HYDIN: variants seen among roughly 807,000 people sequenced by gnomAD.
HYDIN encodes the protein axonemal central pair apparatus protein HYDIN.
In HYDIN, 132 loss-of-function variants were observed where a neutral mutation model predicts 403.9. That is an observed-to-expected ratio of 0.33 (90% CI 0.28 to 0.38). The LOEUF (loss-of-function observed/expected upper bound fraction) is 0.38. Among genes scored for constraint, HYDIN ranks in the 10% least tolerant of loss-of-function variants. HYDIN has a pLI of 1.00. For missense variants in HYDIN, 2,827 were observed against 5,009.5 expected, an observed-to-expected ratio of 0.56 and a Z score of 13.15; for synonymous variants, 1,202 against 1,891.7, an observed-to-expected ratio of 0.64 and a Z score of 9.46.
Position 70,802,153 on chromosome 16 carries a change from T to G in HYDIN, c.*5427A>C, listed in dbSNP as rs1045970350. 1.3e-5 allele frequency: 2 copies of G among 152,074 alleles called. No individual in the cohort carries two copies. The highest frequency in any genetic ancestry group is 4.8e-5 in the African/African-American group (2 of 41,384). The allele number at this position is 152,074 out of a possible 1,614,324, so 9.4% of individuals were successfully genotyped here. ...CCTTATAACAGTCTTGAAAATGGAG[T>G]ATTTTCCTCAACAGAAACAGGGACG... On this transcript the variant is annotated 3_prime_UTR_variant, in exon 86 of 86. Transcript: ENST00000393567.
intron 23 of HYDIN, among the ~76,000 whole-genome samples, chr16:71,011,854 A>G (rs1411326109): frequency 6.6e-6 from 1 of 151,268 alleles, no homozygotes; most frequent in Non-Finnish European, 1.5e-5. Context: ...CAATCTCCAT[A>G]TTGGCTGGCT....
intron 3 of HYDIN, among the ~76,000 whole-genome samples, chr16:71,181,419 T>C (rs2086900114): frequency 1.3e-5 from 2 of 151,932 alleles, no homozygotes; most frequent in Admixed American, 6.6e-5. Flanking sequence ...ATCAGAAAAA[T>C]AAATGTACCA....
intron 83 of HYDIN, among the ~76,000 whole-genome samples, chr16:70,821,599 C>T (rs1451617800): frequency 6.6e-6 from 1 of 150,854 alleles, no homozygotes; most frequent in Non-Finnish European, 1.5e-5. Flanking sequence ...ATTTTTCCCC[C>T]CTGGCTGCTT....
chr16:71,200,779 A>G (rs918256951), intron 1 of HYDIN, among the ~76,000 whole-genome samples: 1 of 152,224 alleles, frequency 6.6e-6, no homozygotes, highest in East Asian at 1.9e-4. Flanking sequence ...TCTTTCAGAA[A>G]GAGTCTTGAT....
At chr16:71,027,230 C>T (rs1461053467) in intron 20 of HYDIN, 1 of 1,118,928 alleles carries the variant, frequency 8.9e-7, no homozygotes. Context: ...GGAGAGGCAG[C>T]CCAGAGTGTC....
At chr16:71,181,219 T>A (rs2086888798) in intron 3 of HYDIN, among the ~76,000 whole-genome samples, 1 of 151,336 alleles carries the variant, frequency 6.6e-6, no homozygotes, top group Admixed American at 6.6e-5. Flanking sequence ...CCCAGCAGTT[T>A]TTTTTTTGAA....
chr16:71,226,890 T>A (rs2041056156), intron 1 of HYDIN, among the ~76,000 whole-genome samples: 1 of 152,172 alleles, frequency 6.6e-6, no homozygotes, highest in Non-Finnish European at 1.5e-5. Context: ...ATCTCCAATT[T>A]TAGTCAGTTA....
chr16:71,223,609 G>A, intron 1 of HYDIN, among the ~76,000 whole-genome samples: 1 of 146,744 alleles, frequency 6.8e-6, no homozygotes, highest in Admixed American at 6.9e-5. Context: ...AATCTACAAG[G>A]AGCTCAAACA....
At chr16:70,949,331 A>T (rs1197036410) in intron 41 of HYDIN, among the ~76,000 whole-genome samples, 2 of 120,258 alleles carry the variant, frequency 1.7e-5, no homozygotes, top group Non-Finnish European at 3.5e-5. Context: ...GGGGGGAGGG[A>T]TAGCACTGGG....
chr16:70,908,413 G>C lies in HYDIN; in HGVS notation c.8235C>G (p.Ile2745Met), dbSNP rs201341793. The change falls in exon 49 of 86, where the codon ATC becomes ATG. Residue 2745 changes from isoleucine (I) to methionine (M), a missense_variant. Ile to Met is a conservative substitution (Grantham distance 10). Transcript: ENST00000393567. ...ACGTTACCTCGCCATTGGCTGGCACGATCCACCGGAAGTGATTCAGTCTGC... is the reference window on the plus strand; with the variant it reads ...ACGTTACCTCGCCATTGGCTGGCACCATCCACCGGAAGTGATTCAGTCTGC... ...KFTRLNHFRW[I>M]VPANGEVTLQ... The C allele has an allele frequency of 1.6e-5, 19 of 1,214,666 alleles. No individual in the cohort carries two copies. Among genetic ancestry groups the C allele is most frequent in the Non-Finnish European group, 2.1e-5 (18 of 875,710 alleles). 75.2% of individuals were successfully genotyped at this position (1,214,666 alleles called of 1,614,324 possible).
At chr16:70,995,163 A>G (rs188923582) in intron 23 of HYDIN, among the ~76,000 whole-genome samples, 2 of 152,336 alleles carry the variant, frequency 1.3e-5, no homozygotes, top group Admixed American at 1.3e-4. Flanking sequence ...TTACGTTATT[A>G]AAACCAGAAA....
At chr16:70,979,150 G>A in intron 29 of HYDIN, 109 bp from the exon 30 acceptor site, 2 of 1,220,632 alleles carry the variant, frequency 1.6e-6, no homozygotes, top group Non-Finnish European at 2.3e-6. Flanking sequence ...AAGGTGGGAA[G>A]GGAAGTGGAC....
rs374967012 is a variant in HYDIN at position 70,837,676 on chromosome 16, C to T, written c.13242+14G>A. The T allele has an allele frequency of 2.0e-5, 33 of 1,613,472 alleles. No individual in the cohort carries two copies. In the African/African-American group the frequency reaches 2.3e-4, roughly 11 times the overall value. On this transcript the variant is annotated intron_variant, in intron 77 of 85. Coordinates refer to ENST00000393567, the MANE Select transcript of HYDIN (RefSeq NM_001270974.2). ...GAGGGTGCCACGCCTGAAGGCCTCC[C>T]GACTGTCTGTTACCTTCATTTTGGT...
chr16:70,853,009 AC>A lies in HYDIN; in HGVS notation c.12443+2118del, dbSNP rs1262874921. 1.9e-4 allele frequency among the ~76,000 whole-genome samples: 8 copies of A among 41,512 alleles called. No individual in the cohort carries two copies. The Admixed American group carries it at 2.6e-3, about 13-fold the overall frequency. 27.2% of individuals were successfully genotyped at this position (41,512 alleles called of 152,430 possible). A position where few individuals can be genotyped will look rare whatever the true frequency, so the allele number is the denominator to read the frequency against. On this transcript the variant is annotated intron_variant, in intron 73 of 85. Transcript: ENST00000393567. ...GCCAACATGGTGAAACCCCATCTCT[AC>A]TAAAAAAAAAAAAAAAAAAAATTAG... is the stretch of plus-strand genomic sequence containing the variant.
rs972787037 is a variant in HYDIN at position 70,904,072 on chromosome 16, T to A, written c.8517-8A>T. On this transcript the variant is annotated splice_region_variant and splice_polypyrimidine_tract_variant and intron_variant, in intron 50 of 85. Transcript: ENST00000393567. ...AATAAGGATGACTTGTACCTGGGGA[T>A]GAACAAGAATGGGGTTAACGGTATG... is the stretch of plus-strand genomic sequence containing the variant. 1.1e-5 allele frequency: 18 copies of A among 1,594,890 alleles called. No individual in the cohort carries two copies. The highest frequency in any genetic ancestry group is 1.7e-5 in the Admixed American group (1 of 58,932).
rs767375464 is a variant in HYDIN at position 70,904,518 on chromosome 16, T to TTTTTTG, written c.8517-455_8517-454insCAAAAA. Among the ~76,000 whole-genome samples, 331 of 36,982 alleles carry TTTTTTG rather than the reference T, an allele frequency of 9.0e-3. 80 individuals carry two copies. Among genetic ancestry groups the TTTTTTG allele is most frequent in the Middle Eastern group, 0.03 (2 of 66 alleles). 24.3% of individuals were successfully genotyped at this position (36,982 alleles called of 152,430 possible). ...TTTTTTTTTTTTTTTTTTTTTTTTT[T>TTTTTTG]TGAGGGAGTTTCGTTCTTGTTGCCC... On this transcript the variant is annotated intron_variant, in intron 50 of 85. Transcript: ENST00000393567.
At chr16:71,158,847 T>A (rs574359744) in intron 6 of HYDIN, among the ~76,000 whole-genome samples, 83 of 148,532 alleles carry the variant, frequency 5.6e-4, no homozygotes, top group African/African-American at 1.9e-3. Flanking sequence ...ACACCCAGCT[T>A]ATTTTTTTGT....
At chr16:70,850,813 G>A (rs7200827) in intron 73 of HYDIN, among the ~76,000 whole-genome samples, 158 bp from the exon 74 acceptor site, 2,817 of 152,210 alleles carry the variant, frequency 0.019, 88 homozygotes, top group African/African-American at 0.063. Flanking sequence ...CCAAAACAGC[G>A]TGGTACTGGC....
At chr16:71,120,076 G>GT (rs1177017436) in intron 9 of HYDIN, among the ~76,000 whole-genome samples, 1 of 151,564 alleles carries the variant, frequency 6.6e-6, no homozygotes, top group African/African-American at 2.4e-5. Context: ...ACGGATCCGC[G>GT]TCCCCCATTC....
Sources: gnomAD v4.1 joint callset for allele counts (sites outside exome capture counted in the v4.1 genomes callset) on GRCh38, gnomAD v4.1.1 for gene constraint, MANE v1.5 for transcripts, NCBI Gene and HGNC (gene_info 2026-07-23, HGNC 2026-07-21) for gene names.